ATG2A: variants seen among roughly 807,000 people sequenced by gnomAD.
The protein encoded by ATG2A is autophagy related 2A.
A neutral mutation model predicts 214.2 loss-of-function variants in ATG2A; 103 were observed. That is an observed-to-expected ratio of 0.48 (90% CI 0.41 to 0.57). The LOEUF (loss-of-function observed/expected upper bound fraction) is 0.57. Ranked by LOEUF, ATG2A falls within the 20% of genes least tolerant of loss-of-function variation. The pLI, the probability that ATG2A is intolerant of heterozygous loss-of-function variation, is 0.00. For missense variants in ATG2A, 2,312 were observed against 2,613.2 expected (o/e 0.88, Z 2.51); for synonymous variants, 1,160 against 1,142.1 (o/e 1.02, Z -0.32).
chr11:64,901,899 T>A, intron 29 of ATG2A, 63 bp downstream of exon 29: 1 of 1,576,942 alleles, frequency 6.3e-7, no homozygotes, highest in East Asian at 2.2e-5. Flanking sequence ...CCCTGAGTGT[T>A]CCGTCCCCGC....
In ATG2A at chr11:64,907,334, G is replaced by C; in HGVS notation, c.2753C>G (p.Pro918Arg). Residue 918 changes from proline (P) to arginine (R), a missense_variant, in exon 19 of 41, where the codon CCA becomes CGA. Coordinates refer to ENST00000377264, the MANE Select transcript of ATG2A (RefSeq NM_015104.3). ...GAAGGTGCTCTGCAAGTGAAGACTTGGGGCCTCAGGGGCAGCGGCCTGTGG... is the reference window on the plus strand; with the variant it reads ...GAAGGTGCTCTGCAAGTGAAGACTTCGGGCCTCAGGGGCAGCGGCCTGTGG... ...GGPQAAAPEAPSLHLQSTFST... is the reference protein window; with the variant it reads ...GGPQAAAPEARSLHLQSTFST... The C allele has an allele frequency of 6.4e-7, 1 of 1,553,444 alleles. No homozygotes were observed. The highest frequency in any genetic ancestry group is 8.7e-7 in the Non-Finnish European group (1 of 1,148,432).
intron 24 of ATG2A, among the ~76,000 whole-genome samples, chr11:64,904,638 C>A (rs990511504): frequency 5.3e-5 from 8 of 151,994 alleles, no homozygotes; most frequent in Non-Finnish European, 5.9e-5. Flanking sequence ...AAAAATCATT[C>A]ATCATTCCTA....
In ATG2A at chr11:64,909,764, T is replaced by C. The variant is rs979810416; in HGVS notation, c.2024A>G (p.Glu675Gly). Residue 675 changes from glutamate (E) to glycine (G), a missense_variant, in exon 14 of 41, where the codon GAG (glutamate) becomes GGG (glycine). Coordinates refer to ENST00000377264, the MANE Select transcript of ATG2A (RefSeq NM_015104.3). Reference protein sequence around the residue: ...RAEQLRLELSEPQFRSELSSG... With the variant: ...RAEQLRLELSGPQFRSELSSG... Reference sequence around the variant, plus strand: ...GCTAAGCTCTGACCGGAACTGGGGCTCACTCAGCTCCAGCCGAAGCTGCTC... The same window carrying C: ...GCTAAGCTCTGACCGGAACTGGGGCCCACTCAGCTCCAGCCGAAGCTGCTC... 6.2e-7 allele frequency: 1 copy of C among 1,612,926 alleles called. No individual in the cohort carries two copies. The highest frequency in any genetic ancestry group is 8.5e-7 in the Non-Finnish European group (1 of 1,179,990).
intron 35 of ATG2A, 47 bp from the exon 36 acceptor site, chr11:64,897,790 C>A (rs1300158016): frequency 1.9e-6 from 3 of 1,614,094 alleles, no homozygotes; most frequent in Non-Finnish European, 1.7e-6. Flanking sequence ...ACTGGCCTGG[C>A]CCCCAGCAAT....
Position 64,906,317 on chromosome 11 carries a change from G to A in ATG2A, c.3183+17C>T. ...GCCCAGGCTAGCAGGAGGGGTGGAT[G>A]GTAGGCAAGCCCATACCTTCACATT... On this transcript the variant is annotated intron_variant, in intron 21 of 40. Transcript: ENST00000377264. 6.2e-7 allele frequency: 1 copy of A among 1,611,556 alleles called. No homozygotes were observed.
chr11:64,909,180 G>T (rs1565759802), intron 15 of ATG2A, 30 bp from the exon 16 acceptor site: 1 of 1,605,644 alleles, frequency 6.2e-7, no homozygotes, highest in Non-Finnish European at 8.5e-7. Context: ...TTACTGGCCT[G>T]CAGGGCCCCC....
Position 64,908,185 on chromosome 11 carries a change from A to G in ATG2A, c.2365-295T>C, listed in dbSNP as rs1301545187. 3.3e-5 allele frequency among the ~76,000 whole-genome samples: 5 copies of G among 152,312 alleles called. No homozygotes were observed. In the East Asian group the frequency reaches 9.6e-4, roughly 29 times the overall value. ...GTAATCCTAGCACTTTGGGAGAGTGAGGAGGGCAGATCACTTGAGGTCAGG... is the reference window on the plus strand; with the variant it reads ...GTAATCCTAGCACTTTGGGAGAGTGGGGAGGGCAGATCACTTGAGGTCAGG... On this transcript the variant is annotated intron_variant, in intron 16 of 40. Transcript: ENST00000377264.
rs142003804 is a variant in ATG2A at position 64,907,185 on chromosome 11, G to A, written c.2832+70C>T. On this transcript the variant is annotated intron_variant, in intron 19 of 40. Transcript: ENST00000377264. ...CCACATTCTTGACCTGGAGCTGCTC[G>A]CGCTGGTCTTGCTCTGCCGCCAATG... The A allele has an allele frequency of 1.8e-5, 26 of 1,431,460 alleles. 1 individual carries two copies. The highest frequency in any genetic ancestry group is 1.7e-4 in the African/African-American group (12 of 69,560). The allele number at this position is 1,431,460 out of a possible 1,614,324, so 88.7% of individuals were successfully genotyped here. A position where few individuals can be genotyped will look rare whatever the true frequency, so the allele number is the denominator to read the frequency against.
chr11:64,905,835 A>T lies in ATG2A; in HGVS notation c.3278T>A (p.Leu1093Gln). 6.2e-7 allele frequency: 1 copy of T among 1,613,474 alleles called. No individual in the cohort carries two copies. The highest frequency in any genetic ancestry group is 1.1e-5 in the South Asian group (1 of 91,080). ...QSWHSQLLEF[L>Q]DVLDDPVLGY... Reference sequence around the variant, plus strand: ...CAGCACAGGGTCATCCAGCACGTCTAGGAACTCCAACAACTTCAGAGGCCA... The same window carrying T: ...CAGCACAGGGTCATCCAGCACGTCTTGGAACTCCAACAACTTCAGAGGCCA... The change falls in exon 23 of 41, where the codon CTA becomes CAA. Residue 1093 changes from leucine (L) to glutamine (Q), a missense_variant. Transcript: ENST00000377264.
intron 26 of ATG2A, among the ~76,000 whole-genome samples, chr11:64,902,887 G>C (rs1229964050): frequency 6.6e-6 from 1 of 152,172 alleles, no homozygotes; most frequent in African/African-American, 2.4e-5. Flanking sequence ...GCTTGGCCCA[G>C]GGCCATCCAA....
rs767230376 is a variant in ATG2A at position 64,906,683 on chromosome 11, C to T, written c.2965G>A (p.Ala989Thr). 2.5e-6 allele frequency: 4 copies of T among 1,613,442 alleles called. No individual in the cohort carries two copies. In the East Asian group the frequency reaches 8.9e-5, roughly 36 times the overall value. ...CTCACACCTCGGTGGTAGAGTGTTGCCTTTTCAGCTTCCAGACAGAAGTAG... is the reference window on the plus strand; with the variant it reads ...CTCACACCTCGGTGGTAGAGTGTTGTCTTTTCAGCTTCCAGACAGAAGTAG... ...LGYFCLEAEK[A>T]TLYHRAAVDD... is the part of the protein sequence containing the mutation. The change falls in exon 20 of 41, where the codon GCA becomes ACA. Residue 989 changes from alanine to threonine, a missense_variant. Ala to Thr is a moderately conservative substitution (Grantham distance 58). Coordinates refer to ENST00000377264, the MANE Select transcript of ATG2A (RefSeq NM_015104.3).
In ATG2A at chr11:64,903,636, C is replaced by A. The variant is rs961446858; in HGVS notation, c.3489G>T (p.Leu1163Phe). ...LLRFILDDSALYLSDKCEVET... is the reference protein window; with the variant it reads ...LLRFILDDSAFYLSDKCEVET... ...CCACCTCACACTTGTCGGACAGGTA[C>A]AAGGCGGAGTCATCGAGGATGAACC... The change falls in exon 25 of 41, where the codon TTG becomes TTT. Residue 1163 changes from leucine (L) to phenylalanine (F), a missense_variant. Coordinates refer to ENST00000377264, the MANE Select transcript of ATG2A (RefSeq NM_015104.3). The surrounding 1 kb of genome is among the most constrained non-coding windows in gnomAD (Gnocchi z 4.2). The A allele has an allele frequency of 6.5e-7, 1 of 1,550,072 alleles. No individual in the cohort carries two copies. Among genetic ancestry groups the A allele is most frequent in the African/African-American group, 1.4e-5 (1 of 73,150 alleles).
intron 18 of ATG2A, 25 bp downstream of exon 18, chr11:64,907,500 A>C (rs907244887): frequency 1.1e-5 from 17 of 1,612,082 alleles, no homozygotes; most frequent in Non-Finnish European, 1.4e-5. Context: ...TCCTCCCTCT[A>C]GCCCAGCGTT....
In ATG2A at chr11:64,902,348, T is replaced by G. The variant is rs1944381072; in HGVS notation, c.3816A>C (p.Pro1272=). Residue 1272 remains proline, a synonymous_variant, in exon 28 of 41, where the codon CCA becomes CCC. Transcript: ENST00000377264. Reference sequence around the variant, plus strand: ...GCTGGTTGATGAGGGCCGTCTCCACTGGGGGGCACGAGGGCAGAGAGGCAG... The same window carrying G: ...GCTGGTTGATGAGGGCCGTCTCCACGGGGGGGCACGAGGGCAGAGAGGCAG... The part of the protein sequence containing the change: ...ESPASLPSCP[P]VETALINQRD... 6.2e-7 allele frequency: 1 copy of G among 1,603,874 alleles called. No homozygotes were observed. The highest frequency in any genetic ancestry group is 8.5e-7 in the Non-Finnish European group (1 of 1,176,164).
intron 23 of ATG2A, 22 bp downstream of exon 23, chr11:64,905,720 C>G: frequency 6.2e-7 from 1 of 1,613,856 alleles, no homozygotes. Flanking sequence ...GTCCCCAGCC[C>G]CTGGCCCACC....
chr11:64,912,280 G>A, intron 7 of ATG2A, 31 bp from the exon 8 acceptor site: 1 of 1,608,576 alleles, frequency 6.2e-7, no homozygotes, highest in Non-Finnish European at 8.5e-7. Flanking sequence ...GTCTGGGCTG[G>A]CTGGCCCTCC....
chr11:64,900,570 C>A lies in ATG2A; in HGVS notation c.4388G>T (p.Arg1463Leu). 2 of 1,613,160 alleles carry A rather than the reference C, an allele frequency of 1.2e-6. No homozygotes were observed. The highest frequency in any genetic ancestry group is 2.2e-5 in the East Asian group (1 of 44,876). Residue 1463 changes from arginine (R) to leucine (L), a missense_variant, in exon 31 of 41, where the codon CGG becomes CTG. Coordinates refer to ENST00000377264, the MANE Select transcript of ATG2A (RefSeq NM_015104.3). ...CTGCGTGCGCCATGAGTTCTGGGGC[C>A]GGTTGGGGCCAGAGCAGCGGGAAGG... ...SSPSRCSGPN[R>L]PQNSWRTQGG... is the part of the protein sequence containing the mutation.
intron 20 of ATG2A, 25 bp from the exon 21 acceptor site, chr11:64,906,558 CT>C: frequency 6.2e-7 from 1 of 1,610,114 alleles, no homozygotes; most frequent in Non-Finnish European, 8.5e-7. Flanking sequence ...CATGAGCCCC[CT>C]GCCAAGCCAA....
In ATG2A at chr11:64,894,929, G is replaced by A; in HGVS notation, c.*44C>T. 8 of 1,604,020 alleles carry A rather than the reference G, an allele frequency of 5.0e-6. No homozygotes were observed. Among genetic ancestry groups the A allele is most frequent in the Non-Finnish European group, 6.8e-6 (8 of 1,174,094 alleles). ...TGGGCTGCAGCTCTTGGGAGGCTCA[G>A]GAGCATGGTGGGCAGCACCCTCTGG... On this transcript the variant is annotated 3_prime_UTR_variant, in exon 41 of 41. Coordinates refer to ENST00000377264, the MANE Select transcript of ATG2A (RefSeq NM_015104.3).
Sources: allele counts gnomAD v4.1 joint callset (sites outside exome capture counted in the v4.1 genomes callset), GRCh38; gene constraint gnomAD v4.1.1; non-coding constraint Gnocchi (gnomAD v3.1); transcripts MANE v1.5; gene names NCBI Gene and HGNC (gene_info 2026-07-23, HGNC 2026-07-21).